KLC1: variants seen among roughly 807,000 people sequenced by gnomAD.
The protein encoded by KLC1 is kinesin light chain 1.
In KLC1, 30 loss-of-function variants were observed where a neutral mutation model predicts 84.2. The ratio of observed to expected loss-of-function variants is 0.36; its 90% CI spans 0.27 to 0.48. The LOEUF (loss-of-function observed/expected upper bound fraction) is 0.48, where lower values mean the gene tolerates loss of function less well. Ranked by LOEUF, KLC1 falls within the 20% of genes least tolerant of loss-of-function variation. The probability of loss-of-function intolerance (pLI) is 0.99; values close to 1 mark genes in which losing one functional copy is unlikely to be tolerated. For synonymous variants in KLC1, 289 were observed against 293.3 expected (o/e 0.99, Z 0.15); for missense variants, 499 against 805.4 (o/e 0.62, Z 4.60).
chr14:103,694,002 G>A lies in KLC1; in HGVS notation c.1848+1577G>A, dbSNP rs2082272675. ...TAAATTGTAATATTGTAATAAGGCTGTAAATTAAGAATCTGGAAACATAAA... is the reference window on the plus strand; with the variant it reads ...TAAATTGTAATATTGTAATAAGGCTATAAATTAAGAATCTGGAAACATAAA... On this transcript the variant is annotated intron_variant, in intron 15 of 16. Coordinates refer to ENST00000334553, the MANE Select transcript of KLC1 (RefSeq NM_001394837.1). The surrounding 1 kb of genome is among the most constrained non-coding windows in gnomAD (Gnocchi z 4.5). 1.1e-5 allele frequency: 11 copies of A among 1,043,592 alleles called. No homozygotes were observed. The highest frequency in any genetic ancestry group is 1.3e-5 in the Non-Finnish European group (11 of 867,356). 64.6% of individuals were successfully genotyped at this position (1,043,592 alleles called of 1,614,324 possible). A position where few individuals can be genotyped will look rare whatever the true frequency, so the allele number is the denominator to read the frequency against.
intron 1 of KLC1, among the ~76,000 whole-genome samples, chr14:103,636,774 G>A (rs2077073284): frequency 1.3e-5 from 2 of 151,962 alleles, no homozygotes; most frequent in Admixed American, 6.6e-5. Flanking sequence ...CCAGGCTTGA[G>A]TGCAGTGGCG....
chr14:103,696,174 T>G, intron 15 of KLC1: 1 of 975,724 alleles, frequency 1.0e-6, no homozygotes, highest in Non-Finnish European at 1.2e-6. Flanking sequence ...CGTCTGGATC[T>G]GTGGGCGGAC....
intron 13 of KLC1, among the ~76,000 whole-genome samples, chr14:103,681,030 C>T (rs780222434): frequency 1.3e-5 from 2 of 152,198 alleles, no homozygotes; most frequent in Non-Finnish European, 2.9e-5. Flanking sequence ...GGCCCGCGGG[C>T]TGGAAGTGTC....
chr14:103,664,855 C>T (rs1000932888), intron 5 of KLC1, among the ~76,000 whole-genome samples: 1 of 144,798 alleles, frequency 6.9e-6, no homozygotes, highest in Non-Finnish European at 1.5e-5. Context: ...AACTTATATG[C>T]CCATTAAAAC....
At chr14:103,676,916 G>T (rs561042094) in intron 11 of KLC1, among the ~76,000 whole-genome samples, 1 of 152,214 alleles carries the variant, frequency 6.6e-6, no homozygotes, top group Non-Finnish European at 1.5e-5. Context: ...TCTGCTTATT[G>T]CTTCCCTGGT....
chr14:103,701,287 C>T lies in KLC1; in HGVS notation c.*88C>T, dbSNP rs2083179747. ...GACAGCCAGGGCGGCAGGGAGGGCC[C>T]CTGGCCGGGAGCCGCAGCGCTCACT... On this transcript the variant is annotated 3_prime_UTR_variant, in exon 17 of 17. Coordinates refer to ENST00000334553, the MANE Select transcript of KLC1 (RefSeq NM_001394837.1). 5 of 1,434,282 alleles carry T rather than the reference C, an allele frequency of 3.5e-6. No individual in the cohort carries two copies. Among genetic ancestry groups the T allele is most frequent in the Non-Finnish European group, 3.8e-6 (4 of 1,049,210 alleles). 88.8% of individuals were successfully genotyped at this position (1,434,282 alleles called of 1,614,324 possible). A position where few individuals can be genotyped will look rare whatever the true frequency, so the allele number is the denominator to read the frequency against.
intron 9 of KLC1, among the ~76,000 whole-genome samples, chr14:103,674,033 G>C (rs2080661512): frequency 1.3e-5 from 2 of 152,144 alleles, no homozygotes; most frequent in African/African-American, 2.4e-5. Flanking sequence ...CCTCATTGCA[G>C]AGACCTATAC....
intron 13 of KLC1, 137 bp downstream of exon 13, chr14:103,679,682 C>T: frequency 1.6e-6 from 1 of 629,518 alleles, no homozygotes; most frequent in Non-Finnish European, 2.8e-6. Flanking sequence ...GTAAGTTCTT[C>T]ACTTCTGCTA....
In KLC1 at chr14:103,694,320, C is replaced by T. The variant is rs955051677; in HGVS notation, c.1848+1895C>T. On this transcript the variant is annotated intron_variant, in intron 15 of 16. Coordinates refer to ENST00000334553, the MANE Select transcript of KLC1 (RefSeq NM_001394837.1). The surrounding 1 kb of genome is among the most constrained non-coding windows in gnomAD (Gnocchi z 4.5). ...AGGCTGGAGCGCAGTGGCCCAATCT[C>T]GGCCCACTGCAAGCTCCACCTCCTG... is the stretch of plus-strand genomic sequence containing the variant. 5.3e-6 allele frequency: 5 copies of T among 937,438 alleles called. No homozygotes were observed. Among genetic ancestry groups the T allele is most frequent in the African/African-American group, 3.6e-5 (2 of 55,308 alleles). The allele number at this position is 937,438 out of a possible 1,614,324, so 58.1% of individuals were successfully genotyped here.
chr14:103,677,263 T>C, intron 11 of KLC1, 152 bp from the exon 12 acceptor site: 1 of 618,730 alleles, frequency 1.6e-6, no homozygotes, highest in South Asian at 1.9e-5. Context: ...AAGAACGCTT[T>C]ACAATTTTAC....
intron 14 of KLC1, chr14:103,688,176 G>A (rs1039914572): frequency 6.6e-6 from 1 of 152,250 alleles, no homozygotes; most frequent in Non-Finnish European, 1.5e-5. Flanking sequence ...TTGAGATGGA[G>A]TTTCGTTCTT....
Position 103,685,593 on chromosome 14 carries a change from C to T in KLC1, c.1651-1488C>T, listed in dbSNP as rs116373133. 4.7e-4 allele frequency: 601 copies of T among 1,289,230 alleles called. 3 individuals carry two copies. In the African/African-American group the frequency reaches 7.7e-3, roughly 16 times the overall value. The allele number at this position is 1,289,230 out of a possible 1,614,324, so 79.9% of individuals were successfully genotyped here. On this transcript the variant is annotated intron_variant, in intron 13 of 16. Coordinates refer to ENST00000334553, the MANE Select transcript of KLC1 (RefSeq NM_001394837.1). ...TTATGCAGAGCCTGTTGCCTTTCCT[C>T]GCCGCGGTTTCACGTGGGTTTTCTC...
At chr14:103,649,055 T>C (rs1304700273) in intron 1 of KLC1, among the ~76,000 whole-genome samples, 4 of 151,854 alleles carry the variant, frequency 2.6e-5, no homozygotes. Flanking sequence ...GAGGATCGCT[T>C]GAGCCCGGGA....
intron 15 of KLC1, chr14:103,700,084 C>T (rs1567049775): frequency 4.5e-6 from 1 of 221,558 alleles, no homozygotes; most frequent in Non-Finnish European, 9.1e-6. Context: ...GGCCTGATGC[C>T]CTTCAGGCGT....
rs922214901 is a variant in KLC1 at position 103,639,251 on chromosome 14, C to T, written c.-2+9757C>T. Among the ~76,000 whole-genome samples, 9 of 152,134 alleles carry T rather than the reference C, an allele frequency of 5.9e-5. No homozygotes were observed. The East Asian group carries it at 1.5e-3, about 26-fold the overall frequency. On this transcript the variant is annotated intron_variant, in intron 1 of 16. Coordinates refer to ENST00000334553, the MANE Select transcript of KLC1 (RefSeq NM_001394837.1). The stretch of plus-strand genomic sequence containing the variant: ...GATCTTGGCTCATTGCAGCCTCAGC[C>T]TCCCAAGTAGCTGGAACTACAGGCA...
In KLC1 at chr14:103,662,206, G is replaced by A; in HGVS notation, c.571+12G>A. ...CCCAGGGCAAGGAAGTGAGTGATGG[G>A]TGATGCAGGCATGTTACCGAGTGCA... On this transcript the variant is annotated intron_variant, in intron 4 of 16. Transcript: ENST00000334553. 1 of 1,596,684 alleles carries A rather than the reference G, an allele frequency of 6.3e-7. No individual in the cohort carries two copies. Among genetic ancestry groups the A allele is most frequent in the Non-Finnish European group, 8.6e-7 (1 of 1,164,060 alleles).
chr14:103,647,085 G>C (rs1228029539), intron 1 of KLC1, among the ~76,000 whole-genome samples: 1 of 152,046 alleles, frequency 6.6e-6, no homozygotes, highest in African/African-American at 2.4e-5. Flanking sequence ...TCAGTTACAC[G>C]GGTACAAATC....
chr14:103,659,484 C>T (rs1251502587), intron 3 of KLC1, among the ~76,000 whole-genome samples: 1 of 152,186 alleles, frequency 6.6e-6, no homozygotes, highest in Non-Finnish European at 1.5e-5. Flanking sequence ...AAGATATTAA[C>T]ATCAACACTT....
At chr14:103,633,304 G>A (rs190352470) in intron 1 of KLC1, among the ~76,000 whole-genome samples, 36 of 152,186 alleles carry the variant, frequency 2.4e-4, no homozygotes, top group African/African-American at 8.7e-4. Context: ...TGATCCGCCC[G>A]CCTTGGCCTC....
Sources: allele counts gnomAD v4.1 joint callset (sites outside exome capture counted in the v4.1 genomes callset), GRCh38; gene constraint gnomAD v4.1.1; non-coding constraint Gnocchi (gnomAD v3.1); transcripts MANE v1.5; gene names NCBI Gene and HGNC (gene_info 2026-07-23, HGNC 2026-07-21).